N4BP2: variants seen among roughly 807,000 people sequenced by gnomAD.
N4BP2 encodes NEDD4 binding protein 2.
A neutral mutation model predicts 152.8 loss-of-function variants in N4BP2; 91 were observed. The ratio of observed to expected loss-of-function variants is 0.60; its 90% confidence interval spans 0.50 to 0.71. N4BP2 has a LOEUF of 0.71. Among genes scored for constraint, N4BP2 ranks in the 30% least tolerant of loss-of-function variants. The probability of loss-of-function intolerance (pLI) is 0.00; values close to 1 mark genes in which losing one functional copy is unlikely to be tolerated. For synonymous variants in N4BP2, 646 were observed against 705.3 expected (o/e 0.92, Z 1.33); for missense variants, 1,923 against 2,059.1 (o/e 0.93, Z 1.28).
At chr4:40,117,803 T>C (rs1299235968) in intron 7 of N4BP2, 66 bp from the exon 8 acceptor site, 1 of 1,366,962 alleles carries the variant, frequency 7.3e-7, no homozygotes, top group Non-Finnish European at 1.0e-6. Context: ...CCTAGACATA[T>C]GTTCTGATTT....
rs1364831217 is a variant in N4BP2 at position 40,154,642 on chromosome 4, A to G, written c.*405A>G. On this transcript the variant is annotated 3_prime_UTR_variant, in exon 18 of 18. Transcript: ENST00000261435. ...TGATTCATGCCCCCCAAAGGGTGGTATTAAAAGAGGAAAAAGGACATAGTA... is the reference window on the plus strand; with the variant it reads ...TGATTCATGCCCCCCAAAGGGTGGTGTTAAAAGAGGAAAAAGGACATAGTA... 1 of 158,650 alleles carries G rather than the reference A, an allele frequency of 6.3e-6. No homozygotes were observed. Among genetic ancestry groups the G allele is most frequent in the African/African-American group, 2.4e-5 (1 of 41,556 alleles). 9.8% of individuals were successfully genotyped at this position (158,650 alleles called of 1,614,324 possible).
intron 12 of N4BP2, among the ~76,000 whole-genome samples, chr4:40,127,908 G>C (rs1214782208): frequency 6.6e-6 from 1 of 151,958 alleles, no homozygotes; most frequent in Non-Finnish European, 1.5e-5. Flanking sequence ...TGATCCACCT[G>C]CCTCGGCCTC....
chr4:40,112,870 T>A (rs1560605415), intron 6 of N4BP2, among the ~76,000 whole-genome samples: 1 of 152,094 alleles, frequency 6.6e-6, no homozygotes, highest in Non-Finnish European at 1.5e-5. Context: ...GCCCAGCTAA[T>A]TGTTTGTATT....
intron 10 of N4BP2, among the ~76,000 whole-genome samples, chr4:40,123,947 A>G (rs1718163350): frequency 6.6e-6 from 1 of 151,642 alleles, no homozygotes; most frequent in African/African-American, 2.4e-5. Context: ...TAAATGCAGT[A>G]TTTTTACCAT....
chr4:40,109,075 G>A (rs1338116306), intron 5 of N4BP2, among the ~76,000 whole-genome samples: 4 of 151,534 alleles, frequency 2.6e-5, no homozygotes, highest in Non-Finnish European at 4.4e-5. Flanking sequence ...TCAGCCTCCC[G>A]AAGTGCTGGG....
At position 40,140,657 on chromosome 4, in the gene N4BP2, C is replaced by T. The variant is rs1344105487; in HGVS notation, c.4786-2016C>T. On this transcript the variant is annotated intron_variant, in intron 14 of 17. Coordinates refer to ENST00000261435, the MANE Select transcript of N4BP2 (RefSeq NM_018177.6). ...CACAGAGGGGGATTTGGCAGGGTCA[C>T]AGGACAATAGTGGAGGGAAGGTCAG... Among the ~76,000 whole-genome samples the T allele has an allele frequency of 2.0e-5, 3 of 151,324 alleles. No individual in the cohort carries two copies. In the South Asian group the frequency reaches 6.3e-4, roughly 32 times the overall value.
Position 40,147,831 on chromosome 4 carries a change from C to T in N4BP2, c.5143+3031C>T, listed in dbSNP as rs368338623. On this transcript the variant is annotated intron_variant, in intron 16 of 17. Coordinates refer to ENST00000261435, the MANE Select transcript of N4BP2 (RefSeq NM_018177.6). ...CTCAGACGGGGCAGCCAGGCAGAGA[C>T]GCTCCTCACCTCCCAGACGGGGTCG... Among the ~76,000 whole-genome samples the T allele has an allele frequency of 6.1e-5, 9 of 147,488 alleles. No homozygotes were observed. In the South Asian group the frequency reaches 6.5e-4, roughly 11 times the overall value.
chr4:40,107,926 CTTTT>C (rs11290025), intron 5 of N4BP2, among the ~76,000 whole-genome samples: 1 of 143,954 alleles, frequency 6.9e-6, no homozygotes, highest in Non-Finnish European at 1.5e-5. Context: ...TCCTATGTAT[CTTTT>C]TTTTTTTTTT....
chr4:40,142,678 G>A lies in N4BP2; in HGVS notation c.4791G>A (p.Lys1597=), dbSNP rs1258104914. Residue 1597 remains lysine (K), a synonymous_variant, in exon 15 of 18, where the codon AAG becomes AAA. Coordinates refer to ENST00000261435, the MANE Select transcript of N4BP2 (RefSeq NM_018177.6). ...TGQKSKEKKP[K]KLKETEETPS... ...TATTGTTTAATATCTTATAGCCAAA[G>A]AAATTAAAAGAGACTGAAGAAACAC... The A allele has an allele frequency of 8.1e-6, 13 of 1,601,746 alleles. No homozygotes were observed. The highest frequency in any genetic ancestry group is 1.4e-5 in the African/African-American group (1 of 73,882).
At chr4:40,165,519 G>A in the N4BP2 span, among the ~76,000 whole-genome samples, 2 of 152,190 alleles carry the variant, frequency 1.3e-5, no homozygotes, top group African/African-American at 4.8e-5. Flanking sequence ...AAAGTGCTGG[G>A]ATTACAGGTG....
At chr4:40,069,678 G>T (rs1172057744) in intron 1 of N4BP2, among the ~76,000 whole-genome samples, 2 of 152,146 alleles carry the variant, frequency 1.3e-5, no homozygotes, top group Non-Finnish European at 2.9e-5. Flanking sequence ...GAGGCTGAGG[G>T]GAGAGGATTG....
At chr4:40,115,478 AG>A (rs1717257519) in intron 7 of N4BP2, among the ~76,000 whole-genome samples, 1 of 152,246 alleles carries the variant, frequency 6.6e-6, no homozygotes, top group Non-Finnish European at 1.5e-5. Context: ...CCTAGGCAAC[AG>A]AGCGAGACTC....
intron 2 of N4BP2, among the ~76,000 whole-genome samples, chr4:40,084,570 G>C (rs1376951621): frequency 1.3e-5 from 2 of 150,772 alleles, no homozygotes; most frequent in African/African-American, 4.9e-5. Context: ...CAAGTAGCTG[G>C]GATTACAGGC....
Position 40,144,741 on chromosome 4 carries a change from G to A in N4BP2, c.5084G>A (p.Gly1695Glu), listed in dbSNP as rs757904907. 1.2e-6 allele frequency: 2 copies of A among 1,613,822 alleles called. No homozygotes were observed. The highest frequency in any genetic ancestry group is 1.7e-6 in the Non-Finnish European group (2 of 1,179,952). ...CCACAGAATGTTTTAGACCTCCATG[G>A]GCTGCATGTGGATGAAGCTCTAGAA... is the stretch of plus-strand genomic sequence containing the variant. ...LLPQNVLDLH[G>E]LHVDEALEHL... is the part of the protein sequence containing the mutation. Residue 1695 changes from glycine to glutamate, a missense_variant, in exon 16 of 18, where the codon GGG becomes GAG. Physicochemically the swap from Gly to Glu is moderately conservative, Grantham distance 98 (BLOSUM62 -2). Coordinates refer to ENST00000261435, the MANE Select transcript of N4BP2 (RefSeq NM_018177.6).
chr4:40,120,746 T>C lies in N4BP2; in HGVS notation c.2635T>C (p.Phe879Leu). ...TTATAAAAATATTGACAAAAACTCA[T>C]TCAACATTATGGGTGACTGGCCTTC... ...DAYKNIDKNS[F>L]NIMGDWPSSD... Residue 879 changes from phenylalanine (F) to leucine (L), a missense_variant, in exon 9 of 18, where the codon TTC becomes CTC. Physicochemically the swap from Phe to Leu is conservative, Grantham distance 22. Coordinates refer to ENST00000261435, the MANE Select transcript of N4BP2 (RefSeq NM_018177.6). 1 of 1,614,126 alleles carries C rather than the reference T, an allele frequency of 6.2e-7. No homozygotes were observed. Among genetic ancestry groups the C allele is most frequent in the East Asian group, 2.2e-5 (1 of 44,888 alleles).
intron 2 of N4BP2, among the ~76,000 whole-genome samples, chr4:40,084,161 G>A (rs1262822862): frequency 6.6e-6 from 1 of 152,148 alleles, no homozygotes; most frequent in Non-Finnish European, 1.5e-5. Context: ...ATGTTGCCCA[G>A]GCTGGTCTTG....
chr4:40,076,056 G>A (rs1272951536), intron 2 of N4BP2, among the ~76,000 whole-genome samples: 2 of 152,072 alleles, frequency 1.3e-5, no homozygotes, highest in Non-Finnish European at 2.9e-5. Context: ...GAACTCCTGC[G>A]CTTAAGCAAT....
Position 40,157,922 on chromosome 4 carries a change from A to G in N4BP2, c.*3685A>G, listed in dbSNP as rs1362048421. ...ATCCTGAAGAGCCGTTTATAACTTC[A>G]TATTATATGATGACAAAGTTCATTA... On this transcript the variant is annotated 3_prime_UTR_variant, in exon 18 of 18. Coordinates refer to ENST00000261435, the MANE Select transcript of N4BP2 (RefSeq NM_018177.6). The G allele has an allele frequency of 6.6e-6, 1 of 152,224 alleles. No individual in the cohort carries two copies. Among genetic ancestry groups the G allele is most frequent in the Non-Finnish European group, 1.5e-5 (1 of 68,024 alleles). 9.4% of individuals were successfully genotyped at this position (152,224 alleles called of 1,614,324 possible). A position where few individuals can be genotyped will look rare whatever the true frequency, so the allele number is the denominator to read the frequency against.
At chr4:40,104,274 T>C (rs1382472676) in intron 4 of N4BP2, among the ~76,000 whole-genome samples, 1 of 151,706 alleles carries the variant, frequency 6.6e-6, no homozygotes, top group Admixed American at 6.6e-5. Flanking sequence ...TTTTTTTTTT[T>C]TCCTTTTTCC....
Sources: allele counts gnomAD v4.1 joint callset (sites outside exome capture counted in the v4.1 genomes callset), GRCh38; gene constraint gnomAD v4.1.1; transcripts MANE v1.5; gene names NCBI Gene and HGNC (gene_info 2026-07-23, HGNC 2026-07-21).